Variants in GRIN2B observed in about 807,000 individuals in gnomAD.
GRIN2B encodes the protein glutamate ionotropic receptor NMDA type subunit 2B.
Under a neutral mutation model 114.5 loss-of-function variants are expected in GRIN2B, and 5 were observed. That is an observed-to-expected ratio of 0.04 (90% CI 0.02 to 0.09). GRIN2B has a LOEUF of 0.09. Ranked by LOEUF, GRIN2B falls within the 10% of genes least tolerant of loss-of-function variation. The probability of loss-of-function intolerance (pLI) is 1.00; values close to 1 mark genes in which losing one functional copy is unlikely to be tolerated. For missense variants in GRIN2B, 1,108 were observed against 1,943.5 expected (o/e 0.57, Z 8.08); for synonymous variants, 787 against 745.1 (o/e 1.06, Z -0.92).
intron 8 of GRIN2B, among the ~76,000 whole-genome samples, chr12:13,613,503 A>G (rs139987370): frequency 2.4e-4 from 37 of 152,236 alleles, no homozygotes; most frequent in African/African-American, 8.7e-4. Context: ...AACTGAGCCA[A>G]AAAGTCTGTG....
intron 2 of GRIN2B, among the ~76,000 whole-genome samples, chr12:13,969,139 A>G (rs985850159): frequency 2.0e-5 from 3 of 152,216 alleles, no homozygotes; most frequent in African/African-American, 7.2e-5. Flanking sequence ...TCCTCACTGA[A>G]TTAAATTAAG....
At chr12:13,678,405 C>T (rs2193150) in intron 4 of GRIN2B, among the ~76,000 whole-genome samples, 2 of 152,018 alleles carry the variant, frequency 1.3e-5, no homozygotes, top group South Asian at 4.2e-4. Flanking sequence ...CCAGTATGAC[C>T]GTTACACAGC....
At chr12:13,771,461 G>C (rs1863907061) in intron 3 of GRIN2B, among the ~76,000 whole-genome samples, 1 of 152,032 alleles carries the variant, frequency 6.6e-6, no homozygotes, top group African/African-American at 2.4e-5. Context: ...TTTCAAAACA[G>C]AGCAGAAGCA....
chr12:13,701,520 AAAAAAAAAAG>A (rs1383580865), intron 4 of GRIN2B, among the ~76,000 whole-genome samples: 1 of 151,920 alleles, frequency 6.6e-6, no homozygotes, highest in African/African-American at 2.4e-5. Context: ...GCACAAAAAA[AAAAAAAAAAG>A]AAAAAAAAAC....
At chr12:13,621,408 T>TA (rs1416594059) in intron 5 of GRIN2B, among the ~76,000 whole-genome samples, 1 of 151,756 alleles carries the variant, frequency 6.6e-6, no homozygotes, top group Non-Finnish European at 1.5e-5. Context: ...ATCAGGAAAA[T>TA]AAAAAACCTT....
chr12:13,615,772 C>T lies in GRIN2B; in HGVS notation c.1329-108G>A. The T allele has an allele frequency of 1.1e-6, 1 of 874,680 alleles. No homozygotes were observed. The highest frequency in any genetic ancestry group is 1.9e-6 in the Non-Finnish European group (1 of 513,060). The allele number at this position is 874,680 out of a possible 1,614,324, so 54.2% of individuals were successfully genotyped here. A position where few individuals can be genotyped will look rare whatever the true frequency, so the allele number is the denominator to read the frequency against. The stretch of plus-strand genomic sequence containing the variant: ...AAACCTCCAATCCCAAAGCAGGCCC[C>T]CTTCACAGCTCAGCACAATTTATAC... On this transcript the variant is annotated intron_variant, in intron 6 of 13. Coordinates refer to ENST00000609686, the MANE Select transcript of GRIN2B (RefSeq NM_000834.5). This position sits in a 1 kb window ranked among gnomAD's most constrained non-coding sequence, Gnocchi z 5.8.
At chr12:13,856,731 C>A (rs1185086658) in intron 3 of GRIN2B, among the ~76,000 whole-genome samples, 1 of 152,162 alleles carries the variant, frequency 6.6e-6, no homozygotes, top group Admixed American at 6.5e-5. Flanking sequence ...AATGGTGGTG[C>A]ACCCAGGGTT....
At chr12:13,651,466 C>T (rs1032963803) in intron 5 of GRIN2B, among the ~76,000 whole-genome samples, 2 of 152,032 alleles carry the variant, frequency 1.3e-5, no homozygotes, top group African/African-American at 4.8e-5. Flanking sequence ...TAAACTTTGT[C>T]AAAAAATAGC....
At chr12:13,791,462 A>C (rs981206176) in intron 3 of GRIN2B, among the ~76,000 whole-genome samples, 1 of 128,354 alleles carries the variant, frequency 7.8e-6, no homozygotes, top group South Asian at 2.4e-4. Flanking sequence ...AAAAAAAAAA[A>C]TAAAAAAAAA....
At chr12:13,848,643 C>CA (rs1865506961) in intron 3 of GRIN2B, among the ~76,000 whole-genome samples, 3 of 152,064 alleles carry the variant, frequency 2.0e-5, no homozygotes, top group South Asian at 4.2e-4. Context: ...CAGAAGCACA[C>CA]AAAAAAACCC....
rs574618037 is a variant in GRIN2B at position 13,907,154 on chromosome 12, A to G, written c.-18-40928T>C. ...AAAAGTCTTTGCATAAACTCATTATATACAACAATATGAAAGAATCTCATA... is the reference window on the plus strand; with the variant it reads ...AAAAGTCTTTGCATAAACTCATTATGTACAACAATATGAAAGAATCTCATA... On this transcript the variant is annotated intron_variant, in intron 2 of 13. Transcript: ENST00000609686. Among the ~76,000 whole-genome samples the G allele has an allele frequency of 2.0e-5, 3 of 152,342 alleles. No individual in the cohort carries two copies. In the East Asian group the frequency reaches 5.8e-4, roughly 29 times the overall value.
intron 3 of GRIN2B, among the ~76,000 whole-genome samples, chr12:13,822,291 T>G (rs2136694266): frequency 6.6e-6 from 1 of 152,292 alleles, no homozygotes; most frequent in South Asian, 2.1e-4. Flanking sequence ...ATCTAACAGA[T>G]TCTGAAAGGT....
intron 4 of GRIN2B, among the ~76,000 whole-genome samples, chr12:13,695,365 C>T (rs940385486): frequency 2.6e-5 from 4 of 152,138 alleles, no homozygotes; most frequent in Admixed American, 1.3e-4. Flanking sequence ...AGGAAAACCC[C>T]ATGAAAACAA....
At chr12:13,708,526 T>C (rs952973668) in intron 4 of GRIN2B, among the ~76,000 whole-genome samples, 1 of 152,124 alleles carries the variant, frequency 6.6e-6, no homozygotes, top group Non-Finnish European at 1.5e-5. Context: ...AATAAGTCTA[T>C]CCTTTGGTTA....
In GRIN2B at chr12:13,854,276, C is replaced by T. The variant is rs550312968; in HGVS notation, c.411+11522G>A. On this transcript the variant is annotated intron_variant, in intron 3 of 13. Coordinates refer to ENST00000609686, the MANE Select transcript of GRIN2B (RefSeq NM_000834.5). Reference sequence around the variant, plus strand: ...CCTATAATCCCAGCACTTTAGAAGGCCAAGGTGGGCGGATCACGAGGTCAG... The same window carrying T: ...CCTATAATCCCAGCACTTTAGAAGGTCAAGGTGGGCGGATCACGAGGTCAG... Among the ~76,000 whole-genome samples, 6 of 152,254 alleles carry T rather than the reference C, an allele frequency of 3.9e-5. No individual in the cohort carries two copies. In the East Asian group the frequency reaches 1.2e-3, roughly 29 times the overall value.
chr12:13,539,116 CAAAGG>C lies in GRIN2B; in HGVS notation c.*23662_*23666del, dbSNP rs1948246679. ...GAGAAACAAGAATTTTTGTTCAGTA[CAAAGG>C]AAAGTACAAGAGAGACCCTCACAGA... On this transcript the variant is annotated 3_prime_UTR_variant, in exon 14 of 14. Coordinates refer to ENST00000609686, the MANE Select transcript of GRIN2B (RefSeq NM_000834.5). 1 of 152,160 alleles carries C rather than the reference CAAAGG, an allele frequency of 6.6e-6. No homozygotes were observed. Among genetic ancestry groups the C allele is most frequent in the Non-Finnish European group, 1.5e-5 (1 of 68,032 alleles). 9.4% of individuals were successfully genotyped at this position (152,160 alleles called of 1,614,324 possible).
At chr12:13,684,345 T>TG (rs1193020586) in intron 4 of GRIN2B, among the ~76,000 whole-genome samples, 1 of 151,554 alleles carries the variant, frequency 6.6e-6, no homozygotes, top group East Asian at 1.9e-4. Flanking sequence ...TGATTATGTG[T>TG]GAAGGTACCA....
chr12:13,910,052 T>C (rs1038227033), intron 2 of GRIN2B, among the ~76,000 whole-genome samples: 1 of 152,228 alleles, frequency 6.6e-6, no homozygotes, highest in African/African-American at 2.4e-5. Flanking sequence ...GTTCAAAAGT[T>C]CAAATAATTA....
intron 5 of GRIN2B, among the ~76,000 whole-genome samples, chr12:13,651,836 T>C (rs1201853460): frequency 6.6e-6 from 1 of 152,118 alleles, no homozygotes; most frequent in Non-Finnish European, 1.5e-5. Context: ...TGCGTAATCC[T>C]GAAAAAGTCA....
Sources: gnomAD v4.1 joint callset for allele counts (sites outside exome capture counted in the v4.1 genomes callset) on GRCh38, gnomAD v4.1.1 for gene constraint, Gnocchi (gnomAD v3.1) non-coding constraint, MANE v1.5 for transcripts, NCBI Gene and HGNC (gene_info 2026-07-23, HGNC 2026-07-21) for gene names.